The following PHACTR1 variants were observed in gnomAD, a reference collection of about 807,000 sequenced individuals.
PHACTR1 encodes phosphatase and actin regulator 1, also known as RPEL repeat containing 1.
Under a neutral mutation model 69.2 loss-of-function variants are expected in PHACTR1, and 16 were observed. The observed-to-expected ratio is 0.23, with a 90% CI of 0.16 to 0.35. PHACTR1 has a LOEUF of 0.35. Among genes scored for constraint, PHACTR1 ranks in the 10% least tolerant of loss-of-function variants. The pLI is 1.00. For missense variants in PHACTR1, 510 were observed against 734.7 expected (o/e 0.69, Z 3.54); for synonymous variants, 312 against 284.5 (o/e 1.10, Z -0.97).
intron 4 of PHACTR1, among the ~76,000 whole-genome samples, chr6:13,044,815 C>T (rs904623623): frequency 6.6e-6 from 1 of 152,176 alleles, no homozygotes; most frequent in African/African-American, 2.4e-5. Flanking sequence ...GACTGACACC[C>T]GCTGAGTTCG....
chr6:12,961,926 G>A (rs547091139), intron 4 of PHACTR1, among the ~76,000 whole-genome samples: 15 of 151,846 alleles, frequency 9.9e-5, no homozygotes, highest in Non-Finnish European at 1.8e-4. Flanking sequence ...CTCTTTTTTT[G>A]TTGTTTTTGT....
intron 10 of PHACTR1, 140 bp downstream of exon 10, chr6:13,230,333 C>T: frequency 6.7e-7 from 1 of 1,493,780 alleles, no homozygotes. Context: ...AGGTGGATCA[C>T]ATGAGGTCAG....
chr6:13,213,739 G>A (rs1168728374), intron 8 of PHACTR1, among the ~76,000 whole-genome samples: 3 of 152,170 alleles, frequency 2.0e-5, no homozygotes, highest in East Asian at 1.9e-4. Context: ...AGCGTGCCGC[G>A]TTTCTCCCAG....
chr6:13,198,385 T>A (rs963309345), intron 7 of PHACTR1, among the ~76,000 whole-genome samples: 2 of 152,104 alleles, frequency 1.3e-5, no homozygotes, highest in Non-Finnish European at 2.9e-5. Flanking sequence ...AAGGAGGCAA[T>A]TAATAATGAG....
intron 5 of PHACTR1, among the ~76,000 whole-genome samples, chr6:13,089,340 A>G (rs1425192295): frequency 1.3e-5 from 2 of 152,280 alleles, no homozygotes; most frequent in South Asian, 2.1e-4. Context: ...GAGAGGGTGC[A>G]GGCTCTAGGG....
chr6:12,911,423 A>G (rs1786381152), intron 4 of PHACTR1, among the ~76,000 whole-genome samples: 1 of 152,214 alleles, frequency 6.6e-6, no homozygotes, highest in South Asian at 2.1e-4. Context: ...AGAGGAAAAT[A>G]CACTTTTAAA....
At chr6:12,933,982 C>T in intron 4 of PHACTR1, 1 of 1,539,546 alleles carries the variant, frequency 6.5e-7, no homozygotes, top group South Asian at 1.3e-5. Context: ...CAAAGTACCA[C>T]AAACTACATG....
intron 5 of PHACTR1, among the ~76,000 whole-genome samples, chr6:13,054,511 C>A (rs1441268756): frequency 6.6e-6 from 1 of 152,190 alleles, no homozygotes. Flanking sequence ...AAGTTGCTGA[C>A]AAGATAGGTT....
intron 4 of PHACTR1, among the ~76,000 whole-genome samples, chr6:13,043,720 T>C (rs1321048958): frequency 6.6e-6 from 1 of 152,204 alleles, no homozygotes; most frequent in African/African-American, 2.4e-5. Context: ...AACCAGGCTT[T>C]GTTGAGGTGG....
chr6:13,278,179 T>C, intron 11 of PHACTR1, 89 bp from the exon 12 acceptor site: 2 of 1,261,468 alleles, frequency 1.6e-6, no homozygotes, highest in Non-Finnish European at 2.2e-6. Context: ...AATGAGATGC[T>C]TGGCCTAGAG....
At chr6:13,019,637 C>T (rs1179298174) in intron 4 of PHACTR1, among the ~76,000 whole-genome samples, 1 of 152,182 alleles carries the variant, frequency 6.6e-6, no homozygotes, top group East Asian at 1.9e-4. Context: ...ACTTTACAGA[C>T]ATCTGTAAAT....
intron 5 of PHACTR1, among the ~76,000 whole-genome samples, chr6:13,060,473 G>A (rs1443304997): frequency 6.6e-6 from 1 of 152,166 alleles, no homozygotes; most frequent in Middle Eastern, 3.2e-3. Context: ...AAAAGCAAAT[G>A]TGAAAGAGGC....
chr6:12,840,257 C>T (rs1391918878), intron 4 of PHACTR1, among the ~76,000 whole-genome samples: 2 of 152,146 alleles, frequency 1.3e-5, no homozygotes, highest in Admixed American at 1.3e-4. Flanking sequence ...GTATTTTATA[C>T]TTTTTTGATG....
intron 5 of PHACTR1, among the ~76,000 whole-genome samples, chr6:13,089,151 C>T (rs1312774179): frequency 6.6e-6 from 1 of 152,196 alleles, no homozygotes; most frequent in East Asian, 1.9e-4. Flanking sequence ...TCCCCTCCCC[C>T]TTAGCTCTTG....
At chr6:13,061,326 G>A (rs1387453553) in intron 5 of PHACTR1, among the ~76,000 whole-genome samples, 1 of 152,132 alleles carries the variant, frequency 6.6e-6, no homozygotes, top group Non-Finnish European at 1.5e-5. Context: ...GTATCTTTTA[G>A]GGCACACCGT....
chr6:12,924,761 C>T (rs1033946183), intron 4 of PHACTR1, among the ~76,000 whole-genome samples: 9 of 141,600 alleles, frequency 6.4e-5, no homozygotes, highest in African/African-American at 1.3e-4. Context: ...GGCGACAGAG[C>T]GAGACTCTGT....
intron 2 of PHACTR1, among the ~76,000 whole-genome samples, chr6:12,718,019 T>G: frequency 6.6e-6 from 1 of 152,086 alleles, no homozygotes; most frequent in East Asian, 1.9e-4. Context: ...GTATATTAGC[T>G]TTGTGACAGG....
chr6:12,900,031 A>G (rs1267240269), intron 4 of PHACTR1, among the ~76,000 whole-genome samples: 2 of 152,176 alleles, frequency 1.3e-5, no homozygotes, highest in Non-Finnish European at 2.9e-5. Flanking sequence ...ACCCTCCCTG[A>G]AGCACATTGG....
chr6:12,829,445 G>A (rs1219601044), intron 4 of PHACTR1, among the ~76,000 whole-genome samples: 1 of 152,146 alleles, frequency 6.6e-6, no homozygotes, highest in African/African-American at 2.4e-5. Context: ...TGACTTAGGA[G>A]GTGATGAAAA....
Sources: gnomAD v4.1 joint callset for allele counts (sites outside exome capture counted in the v4.1 genomes callset) on GRCh38, gnomAD v4.1.1 for gene constraint, MANE v1.5 for transcripts, NCBI Gene and HGNC (gene_info 2026-07-23, HGNC 2026-07-21) for gene names.